The following ABLIM3 variants were observed in gnomAD, a reference collection of about 807,000 sequenced individuals.
ABLIM3 encodes actin binding LIM protein family member 3.
A neutral mutation model predicts 109.5 loss-of-function variants in ABLIM3; 61 were observed. The observed-to-expected ratio is 0.56, with a 90% CI of 0.45 to 0.69. The LOEUF (loss-of-function observed/expected upper bound fraction) is 0.69, where lower values mean the gene tolerates loss of function less well. Among genes scored for constraint, ABLIM3 ranks in the 30% least tolerant of loss-of-function variants. The probability of loss-of-function intolerance (pLI) is 0.00; values close to 1 mark genes in which losing one functional copy is unlikely to be tolerated. For missense variants in ABLIM3, 796 were observed against 889.5 expected (o/e 0.89, Z 1.34); for synonymous variants, 300 against 324.8 (o/e 0.92, Z 0.82).
chr5:149,221,397 G>C (rs994751722), intron 8 of ABLIM3, among the ~76,000 whole-genome samples: 2 of 152,240 alleles, frequency 1.3e-5, no homozygotes, highest in Non-Finnish European at 2.9e-5. Context: ...AGCCTTGTCA[G>C]TTCTGGAGCT....
intron 10 of ABLIM3, 52 bp from the exon 11 acceptor site, chr5:149,237,396 C>T: frequency 6.3e-7 from 1 of 1,585,988 alleles, no homozygotes; most frequent in South Asian, 1.1e-5. Context: ...TCTCCATTCC[C>T]TTTTCCCTCT....
intron 2 of ABLIM3, among the ~76,000 whole-genome samples, chr5:149,180,362 A>G (rs1444962087): frequency 1.3e-5 from 2 of 152,202 alleles, no homozygotes; most frequent in African/African-American, 4.8e-5. Flanking sequence ...CCCCCAATAC[A>G]CATGTACACA....
chr5:149,245,826 A>C (rs1037543824), intron 16 of ABLIM3, among the ~76,000 whole-genome samples: 1 of 152,122 alleles, frequency 6.6e-6, no homozygotes, highest in African/African-American at 2.4e-5. Flanking sequence ...TGTCTTTACT[A>C]ATTCAATGTC....
At chr5:149,179,785 A>C (rs760368294) in intron 2 of ABLIM3, among the ~76,000 whole-genome samples, 1 of 152,178 alleles carries the variant, frequency 6.6e-6, no homozygotes, top group Non-Finnish European at 1.5e-5. Context: ...TATATTAATT[A>C]AAATTAAATT....
At chr5:149,253,343 C>G (rs866458710) in intron 23 of ABLIM3, among the ~76,000 whole-genome samples, 7 of 152,178 alleles carry the variant, frequency 4.6e-5, no homozygotes, top group African/African-American at 9.7e-5. Flanking sequence ...TCCCTAGGTT[C>G]AAACTCTGAT....
chr5:149,196,664 T>C (rs1458954171), intron 3 of ABLIM3, among the ~76,000 whole-genome samples: 1 of 152,210 alleles, frequency 6.6e-6, no homozygotes, highest in Non-Finnish European at 1.5e-5. Flanking sequence ...TTCCTCTGAT[T>C]GCTAATCAGG....
At position 149,247,837 on chromosome 5, in the gene ABLIM3, G is replaced by C; in HGVS notation, c.1607G>C (p.Ser536Thr). ...AAGGAAGAAATGAAGGCCCGGTCGA[G>C]CTCCTATGCAGATCCCTGGACCCCT... is the stretch of plus-strand genomic sequence containing the variant. ...ILKEEMKARSSSYADPWTPPR... is the reference protein window; with the variant it reads ...ILKEEMKARSTSYADPWTPPR... Residue 536 changes from serine to threonine, a missense_variant, in exon 18 of 24, where the codon AGC (serine) becomes ACC (threonine). By Grantham distance (58) the Ser-to-Thr change is moderately conservative (BLOSUM62 1). Coordinates refer to ENST00000309868, the MANE Select transcript of ABLIM3 (RefSeq NM_014945.5). 2 of 1,614,260 alleles carry C rather than the reference G, an allele frequency of 1.2e-6. No individual in the cohort carries two copies. The highest frequency in any genetic ancestry group is 2.7e-5 in the African/African-American group (2 of 75,072).
At chr5:149,253,031 G>T (rs1754087698) in intron 23 of ABLIM3, among the ~76,000 whole-genome samples, 194 bp downstream of exon 23, 1 of 151,848 alleles carries the variant, frequency 6.6e-6, no homozygotes, top group South Asian at 2.1e-4. Flanking sequence ...GTCCCATGCT[G>T]TTCCCCCAAA....
At chr5:149,240,004 C>A in intron 13 of ABLIM3, 116 bp downstream of exon 13, 2 of 1,399,304 alleles carry the variant, frequency 1.4e-6, no homozygotes, top group Non-Finnish European at 1.9e-6. Context: ...ACAGTGTGGC[C>A]CTCTGGAGGC....
intron 2 of ABLIM3, among the ~76,000 whole-genome samples, chr5:149,182,009 T>C (rs1756511360): frequency 6.6e-6 from 1 of 152,148 alleles, no homozygotes; most frequent in South Asian, 2.1e-4. Flanking sequence ...AGGCTTCCAA[T>C]TGGAAGGGAC....
chr5:149,252,588 GTA>G lies in ABLIM3; in HGVS notation c.1858-167_1858-166del, dbSNP rs895322998. 9.8e-6 allele frequency: 6 copies of G among 611,114 alleles called. No homozygotes were observed. In the African/African-American group the frequency reaches 1.1e-4, roughly 11 times the overall value. The allele number at this position is 611,114 out of a possible 1,614,324, so 37.9% of individuals were successfully genotyped here. On this transcript the variant is annotated intron_variant, in intron 22 of 23. Coordinates refer to ENST00000309868, the MANE Select transcript of ABLIM3 (RefSeq NM_014945.5). ...CTTGGGCCTTGTCTTTTGAGAGAAG[GTA>G]TCTTAAGACTGCTGGGCAACCCCAA...
At chr5:149,229,547 C>T (rs1480526732) in intron 8 of ABLIM3, among the ~76,000 whole-genome samples, 1 of 152,198 alleles carries the variant, frequency 6.6e-6, no homozygotes, top group East Asian at 1.9e-4. Flanking sequence ...CTTTCACCAC[C>T]ATCTCATCCC....
At chr5:149,245,335 G>A (rs3816159) in intron 16 of ABLIM3, among the ~76,000 whole-genome samples, 61,570 of 151,980 alleles carry the variant, frequency 0.41, 13,029 homozygotes, top group East Asian at 0.56. Flanking sequence ...GATGACAAAA[G>A]TTTCTCAATG....
intron 2 of ABLIM3, among the ~76,000 whole-genome samples, chr5:149,146,747 G>A (rs1248287922): frequency 2.6e-5 from 4 of 152,188 alleles, no homozygotes; most frequent in African/African-American, 7.2e-5. Flanking sequence ...GTCAGGTAAT[G>A]TGATGCCTCC....
intron 17 of ABLIM3, chr5:149,247,491 G>A (rs10035236): frequency 0.43 from 238,246 of 549,848 alleles, 53,618 homozygotes; most frequent in East Asian, 0.53. Context: ...GTGGCTATCT[G>A]CCCATTGTTG....
chr5:149,150,755 A>C (rs1024102448), intron 2 of ABLIM3, among the ~76,000 whole-genome samples: 1 of 152,170 alleles, frequency 6.6e-6, no homozygotes, highest in African/African-American at 2.4e-5. Flanking sequence ...TTGCCAGATA[A>C]ATTCTTCCTT....
intron 7 of ABLIM3, among the ~76,000 whole-genome samples, chr5:149,211,911 A>C (rs565472831): frequency 1.3e-5 from 2 of 151,846 alleles, no homozygotes; most frequent in South Asian, 4.2e-4. Context: ...TTCTCAACAC[A>C]AGCACTCATG....
At chr5:149,175,565 G>A (rs1462936003) in intron 2 of ABLIM3, among the ~76,000 whole-genome samples, 1 of 152,092 alleles carries the variant, frequency 6.6e-6, no homozygotes, top group Non-Finnish European at 1.5e-5. Context: ...CCTGTGCTGA[G>A]CCCACGGACA....
chr5:149,216,863 C>A, intron 7 of ABLIM3, 96 bp from the exon 8 acceptor site: 1 of 1,111,640 alleles, frequency 9.0e-7, no homozygotes, highest in South Asian at 1.3e-5. Flanking sequence ...AAGATGCAAA[C>A]AACACTAATG....
Sources: gnomAD v4.1 joint callset for allele counts (sites outside exome capture counted in the v4.1 genomes callset) on GRCh38, gnomAD v4.1.1 for gene constraint, MANE v1.5 for transcripts, NCBI Gene and HGNC (gene_info 2026-07-23, HGNC 2026-07-21) for gene names.